AOPEP: variants seen among roughly 807,000 people sequenced by gnomAD.
AOPEP encodes the protein aminopeptidase O (putative), also known as aminopeptidase O.
In AOPEP, 77 loss-of-function variants were observed where a neutral mutation model predicts 98.1. That is an observed-to-expected ratio of 0.78 (90% CI 0.65 to 0.95). The LOEUF is 0.95. Among genes scored for constraint, AOPEP ranks in the 40% least tolerant of loss-of-function variants. The pLI is 0.00. For missense variants in AOPEP, 1,024 were observed against 1,024.7 expected, an observed-to-expected ratio of 1.00 and a Z score of 0.01; for synonymous variants, 346 against 365.3, an observed-to-expected ratio of 0.95 and a Z score of 0.60.
chr9:95,024,808 G>A (rs1218895650), intron 13 of AOPEP, among the ~76,000 whole-genome samples: 1 of 152,126 alleles, frequency 6.6e-6, no homozygotes, highest in Non-Finnish European at 1.5e-5. Context: ...CTTTTCATAC[G>A]GTTAGATTTT....
chr9:95,115,888 C>T, the AOPEP span, among the ~76,000 whole-genome samples: 1 of 152,166 alleles, frequency 6.6e-6, no homozygotes, highest in African/African-American at 2.4e-5. Flanking sequence ...CTTTTACACC[C>T]CTCTCCCGGC....
intron 6 of AOPEP, 32 bp from the exon 7 acceptor site, chr9:94,928,393 G>A: frequency 6.8e-7 from 1 of 1,460,816 alleles, no homozygotes. Flanking sequence ...TGTGTTTTGT[G>A]CATGTGTGTC....
intron 14 of AOPEP, 118 bp downstream of exon 14, chr9:95,060,928 G>C: frequency 1.4e-6 from 1 of 724,178 alleles, no homozygotes; most frequent in East Asian, 2.5e-5. Context: ...AATCTCATGT[G>C]TTTGCTGTAT....
At chr9:94,735,024 C>T (rs755748300) in intron 1 of AOPEP, among the ~76,000 whole-genome samples, 45 of 152,138 alleles carry the variant, frequency 3.0e-4, no homozygotes, top group Non-Finnish European at 4.3e-4. Context: ...CCTCTTTTTT[C>T]GTTTTAAATA....
chr9:95,122,024 A>G, the AOPEP span, among the ~76,000 whole-genome samples: 3 of 151,642 alleles, frequency 2.0e-5, no homozygotes, highest in East Asian at 5.8e-4. Context: ...TGCCCGGCGA[A>G]TTTTTTTGTA....
chr9:94,734,256 G>A (rs541087313), intron 1 of AOPEP, among the ~76,000 whole-genome samples: 1 of 152,274 alleles, frequency 6.6e-6, no homozygotes, highest in East Asian at 1.9e-4. Flanking sequence ...AGTTGCCTAA[G>A]ACAGGAACAG....
intron 5 of AOPEP, among the ~76,000 whole-genome samples, chr9:94,815,817 A>G (rs1363478568): frequency 1.3e-5 from 2 of 152,062 alleles, no homozygotes; most frequent in Non-Finnish European, 2.9e-5. Context: ...CCTGCCATCT[A>G]TCCCATTGTT....
chr9:94,885,886 A>G (rs1244164265), intron 5 of AOPEP, among the ~76,000 whole-genome samples: 1 of 152,228 alleles, frequency 6.6e-6, no homozygotes, highest in African/African-American at 2.4e-5. Flanking sequence ...ATTTGGTTGT[A>G]TATTTAAAGA....
At chr9:95,121,204 T>G in the AOPEP span, among the ~76,000 whole-genome samples, 1 of 152,242 alleles carries the variant, frequency 6.6e-6, no homozygotes, top group African/African-American at 2.4e-5. Flanking sequence ...GAAACTGACC[T>G]GACTGGCTGT....
chr9:95,133,676 T>A, the AOPEP span, among the ~76,000 whole-genome samples: 1 of 152,160 alleles, frequency 6.6e-6, no homozygotes, highest in Non-Finnish European at 1.5e-5. Flanking sequence ...CTAGAATTTT[T>A]CAATAGGGAG....
chr9:94,852,968 T>A (rs996055370), intron 5 of AOPEP, among the ~76,000 whole-genome samples: 3 of 152,144 alleles, frequency 2.0e-5, no homozygotes, highest in Non-Finnish European at 4.4e-5. Context: ...GGCTCAGTGT[T>A]GAAGGGCAAA....
chr9:95,047,857 A>G (rs761587914), intron 13 of AOPEP, among the ~76,000 whole-genome samples: 6 of 152,240 alleles, frequency 3.9e-5, no homozygotes, highest in African/African-American at 7.2e-5. Context: ...CCTTGCATAC[A>G]GAAAACTTAT....
intron 7 of AOPEP, among the ~76,000 whole-genome samples, chr9:94,947,125 T>C (rs2057723029): frequency 6.7e-6 from 1 of 149,946 alleles, no homozygotes; most frequent in African/African-American, 2.5e-5. Context: ...TACAGGCGCC[T>C]GCCACCACGC....
At chr9:94,952,203 C>T (rs948528339) in intron 7 of AOPEP, among the ~76,000 whole-genome samples, 8 of 152,188 alleles carry the variant, frequency 5.3e-5, no homozygotes, top group African/African-American at 1.9e-4. Context: ...TGGCAAAGCC[C>T]CTTTTCTAGA....
chr9:94,877,855 G>A (rs2047143167), intron 5 of AOPEP, among the ~76,000 whole-genome samples: 1 of 152,186 alleles, frequency 6.6e-6, no homozygotes, highest in Non-Finnish European at 1.5e-5. Flanking sequence ...GGTTTTCTAT[G>A]TTTGGTAACA....
At chr9:95,043,251 T>TATATATACATATATATACAG (rs1554814047) in intron 13 of AOPEP, among the ~76,000 whole-genome samples, 19 of 147,630 alleles carry the variant, frequency 1.3e-4, no homozygotes, top group South Asian at 2.1e-4. Flanking sequence ...TATATACAGA[T>TATATATACATATATATACAG]ATATATATAC....
chr9:94,793,435 T>A (rs1554717186), intron 4 of AOPEP, among the ~76,000 whole-genome samples: 1 of 151,710 alleles, frequency 6.6e-6, no homozygotes, highest in Non-Finnish European at 1.5e-5. Context: ...ATCCCAGCAC[T>A]TTGGGAGGCT....
At chr9:95,135,474 C>T in the AOPEP span, 1 of 1,614,022 alleles carries the variant, frequency 6.2e-7, no homozygotes, top group Non-Finnish European at 8.5e-7. Context: ...AGGCAGACTA[C>T]AGCTGACATG....
At chr9:94,984,117 T>G (rs551573929) in intron 11 of AOPEP, among the ~76,000 whole-genome samples, 2 of 151,214 alleles carry the variant, frequency 1.3e-5, no homozygotes. Context: ...CACTGCAAGC[T>G]CCACCTCCCA....
Sources: gnomAD v4.1 joint callset for allele counts (sites outside exome capture counted in the v4.1 genomes callset) on GRCh38, gnomAD v4.1.1 for gene constraint, MANE v1.5 for transcripts, NCBI Gene and HGNC (gene_info 2026-07-23, HGNC 2026-07-21) for gene names.